SIGLEC14: variants seen among roughly 807,000 people sequenced by gnomAD.
The protein encoded by SIGLEC14 is sialic acid binding Ig like lectin 14, also known as sialic acid-binding Ig-like lectin 14.
SIGLEC14 carries 11 observed loss-of-function variants against 34.2 expected under a neutral mutation model. The ratio of observed to expected loss-of-function variants is 0.32; its 90% confidence interval spans 0.20 to 0.53. The LOEUF (loss-of-function observed/expected upper bound fraction) is 0.53, where lower values mean the gene tolerates loss of function less well. SIGLEC14 is among the 20% of genes least tolerant of loss of function. SIGLEC14 has a pLI of 0.95. For synonymous variants in SIGLEC14, 99 were observed against 179.7 expected (o/e 0.55, Z 3.59); for missense variants, 264 against 439.0 (o/e 0.60, Z 3.56).
Position 51,645,856 on chromosome 19 carries a change from G to A in SIGLEC14, c.626C>T (p.Thr209Ile), listed in dbSNP as rs1270949897. Reference protein sequence around the residue: ...TLTPRPEDHGTNLTCQVKRQG... With the variant: ...TLTPRPEDHGINLTCQVKRQG... ...GCGTTTCACCTGACAGGTGAGGTTG[G>A]TGCCATGGTCCTCGGGCCTGGGGGT... The change falls in exon 3 of 7, where the codon ACC becomes ATC. Residue 209 changes from threonine to isoleucine, a missense_variant. Around this residue, in one of 5 missense-constraint regions of SIGLEC14, gnomAD observed 45 missense variants for 96.7 expected, o/e 0.47. Transcript: ENST00000360844. 2.0e-6 allele frequency: 3 copies of A among 1,528,742 alleles called. 1 individual carries two copies. In the Admixed American group the frequency reaches 5.2e-5, roughly 27 times the overall value. 94.7% of individuals were successfully genotyped at this position (1,528,742 alleles called of 1,614,324 possible).
rs906910086 is a variant in SIGLEC14, at chr19:51,640,457, A to C, written c.*2898T>G. ...TAGGAACACTGAAACAACAGGTAAC[A>C]ATTCTGGAAAGGGAAGAGCTAGGGA... On this transcript the variant is annotated 3_prime_UTR_variant, in exon 7 of 7. Coordinates refer to ENST00000360844, the MANE Select transcript of SIGLEC14 (RefSeq NM_001098612.3). Among the ~76,000 whole-genome samples, 7 of 139,148 alleles carry C rather than the reference A, an allele frequency of 5.0e-5. 1 individual carries two copies. The highest frequency in any genetic ancestry group is 1.9e-4 in the African/African-American group (7 of 36,720). 91.3% of individuals were successfully genotyped at this position (139,148 alleles called of 152,430 possible).
rs751395647 is a variant in SIGLEC14, at chr19:51,643,948, A to AG, written c.842dup (p.Ala282CysfsTer27). ...CCTCCCGGAACCAGCTCAGTGAGGC[A>AG]GGGGGGTTGCTGTCAACTGTGCAGG... On this transcript the variant is annotated frameshift_variant, in exon 5 of 7. Transcript: ENST00000360844. LOFTEE classifies it high-confidence loss of function. 3.1e-5 allele frequency: 48 copies of AG among 1,533,860 alleles called. No homozygotes were observed. In the Middle Eastern group the frequency reaches 8.5e-4, roughly 27 times the overall value.
chr19:51,646,213 G>A, intron 2 of SIGLEC14, 44 bp downstream of exon 2: 2 of 1,422,260 alleles, frequency 1.4e-6, no homozygotes, highest in South Asian at 1.4e-5. Flanking sequence ...TCTCATACGG[G>A]GGTCTCCACG....
chr19:51,643,479 G>GGGGGGGGGGGGGGCC, intron 6 of SIGLEC14, 58 bp downstream of exon 6: 1 of 1,296,398 alleles, frequency 7.7e-7, no homozygotes, highest in Non-Finnish European at 1.0e-6. Context: ...CCTGGGGCAG[G>GGGGGGGGGGGGGGCC]ACAGCTCAGC....
chr19:51,642,295 G>A lies in SIGLEC14; in HGVS notation c.*1060C>T, dbSNP rs780822390. Among the ~76,000 whole-genome samples the A allele has an allele frequency of 1.1e-3, 159 of 139,036 alleles. 26 individuals carry two copies. The highest frequency in any genetic ancestry group is 1.7e-3 in the Non-Finnish European group (111 of 64,960). 91.2% of individuals were successfully genotyped at this position (139,036 alleles called of 152,430 possible). ...ACGTGTAACAACGTGGATAAACTGG[G>A]AAAACCACACTGAAGAAATGAAAGC... On this transcript the variant is annotated 3_prime_UTR_variant, in exon 7 of 7. Coordinates refer to ENST00000360844, the MANE Select transcript of SIGLEC14 (RefSeq NM_001098612.3).
At chr19:51,644,546 A>G (rs1868951) in intron 4 of SIGLEC14, among the ~76,000 whole-genome samples, 58,796 of 135,888 alleles carry the variant, frequency 0.43, 18,248 homozygotes, top group African/African-American at 0.61. Context: ...GAAGTGGGAT[A>G]GGAGGCAGGG....
Position 51,642,234 on chromosome 19 carries a change from A to G in SIGLEC14, c.*1121T>C, listed in dbSNP as rs1983921534. On this transcript the variant is annotated 3_prime_UTR_variant, in exon 7 of 7. Transcript: ENST00000360844. ...GCTGACTGTACGATATTAAAAGCAA[A>G]AAAAACCCCACCAAAACTGAGAATG... Among the ~76,000 whole-genome samples, 1 of 139,464 alleles carries G rather than the reference A, an allele frequency of 7.2e-6. No homozygotes were observed. Among genetic ancestry groups the G allele is most frequent in the South Asian group, 2.4e-4 (1 of 4,152 alleles). 91.5% of individuals were successfully genotyped at this position (139,464 alleles called of 152,430 possible).
intron 6 of SIGLEC14, 67 bp from the exon 7 acceptor site, chr19:51,643,464 GCTGTCC>G: frequency 3.0e-6 from 4 of 1,335,812 alleles, no homozygotes; most frequent in Non-Finnish European, 2.9e-6. Flanking sequence ...GTGGGGCTGA[GCTGTCC>G]TGGGGCAGGA....
At position 51,640,996 on chromosome 19, in the gene SIGLEC14, T is replaced by C. The variant is rs967185736; in HGVS notation, c.*2359A>G. On this transcript the variant is annotated 3_prime_UTR_variant, in exon 7 of 7. Coordinates refer to ENST00000360844, the MANE Select transcript of SIGLEC14 (RefSeq NM_001098612.3). ...GTCTCAAAAAAAAATTTTTTTTAAGTTGATTCTTTAAGAAGACATGAGAAT... is the reference window on the plus strand; with the variant it reads ...GTCTCAAAAAAAAATTTTTTTTAAGCTGATTCTTTAAGAAGACATGAGAAT... Among the ~76,000 whole-genome samples the C allele has an allele frequency of 1.2e-4, 16 of 138,984 alleles. 7 individuals are homozygous for C. In the East Asian group the frequency reaches 5.3e-3, roughly 46 times the overall value. The allele number at this position is 138,984 out of a possible 152,430, so 91.2% of individuals were successfully genotyped here. A position where few individuals can be genotyped will look rare whatever the true frequency, so the allele number is the denominator to read the frequency against.
rs1332155017 is a variant in SIGLEC14 at position 51,644,421 on chromosome 19, T to C, written c.755-385A>G. On this transcript the variant is annotated intron_variant, in intron 4 of 6. Transcript: ENST00000360844. ...ATCTTTTGGAGCATTGGGTGCCAGA[T>C]TGAGGGCCTTGGGCTTTATCCTGGA... Among the ~76,000 whole-genome samples, 3 of 136,626 alleles carry C rather than the reference T, an allele frequency of 2.2e-5. 1 individual carries two copies. The East Asian group carries it at 1.0e-3, about 48-fold the overall frequency. 89.6% of individuals were successfully genotyped at this position (136,626 alleles called of 152,430 possible).
rs1241548431 is a variant in SIGLEC14, at chr19:51,645,523, T to C, written c.708A>G (p.Pro236=). ...RTVQLNVSYA[P]QNLAISIFFR... Reference sequence around the variant, plus strand: ...AGAAGATGCTGATGGCGAGGTTCTGTGGAGCATCTGGGATAGAAAGATACA... The same window carrying C: ...AGAAGATGCTGATGGCGAGGTTCTGCGGAGCATCTGGGATAGAAAGATACA... The change falls in exon 4 of 7, where the codon CCA becomes CCG. Residue 236 remains proline, a synonymous_variant. Coordinates refer to ENST00000360844, the MANE Select transcript of SIGLEC14 (RefSeq NM_001098612.3). The C allele has an allele frequency of 1.3e-6, 2 of 1,531,922 alleles. 1 individual carries two copies. Among genetic ancestry groups the C allele is most frequent in the African/African-American group, 3.0e-5 (2 of 67,022 alleles). The allele number at this position is 1,531,922 out of a possible 1,614,324, so 94.9% of individuals were successfully genotyped here. A position where few individuals can be genotyped will look rare whatever the true frequency, so the allele number is the denominator to read the frequency against.
chr19:51,645,577 T>C lies in SIGLEC14; in HGVS notation c.701-47A>G, dbSNP rs917803620. On this transcript the variant is annotated intron_variant, in intron 3 of 6. Coordinates refer to ENST00000360844, the MANE Select transcript of SIGLEC14 (RefSeq NM_001098612.3). ...CCAGCTTCAGAGGTGACAAGAGGGA[T>C]GGGCGTGGTCCCGGGAGGGACCCAA... 24 of 1,509,342 alleles carry C rather than the reference T, an allele frequency of 1.6e-5. 6 individuals are homozygous for C. The highest frequency in any genetic ancestry group is 2.1e-5 in the Non-Finnish European group (23 of 1,120,324). 93.5% of individuals were successfully genotyped at this position (1,509,342 alleles called of 1,614,324 possible). A position where few individuals can be genotyped will look rare whatever the true frequency, so the allele number is the denominator to read the frequency against.
rs1034503976 is a variant in SIGLEC14 at position 51,640,133 on chromosome 19, A to G, written c.*3222T>C. ...ACGAAAGAGAAGGAGTCGTGCTTTT[A>G]TTATGAAGGAGTAAGCTCCTAGCAG... On this transcript the variant is annotated 3_prime_UTR_variant, in exon 7 of 7. Transcript: ENST00000360844. 2.1e-5 allele frequency among the ~76,000 whole-genome samples: 3 copies of G among 139,558 alleles called. No homozygotes were observed. Among genetic ancestry groups the G allele is most frequent in the Admixed American group, 6.9e-5 (1 of 14,442 alleles). The allele number at this position is 139,558 out of a possible 152,430, so 91.6% of individuals were successfully genotyped here. A position where few individuals can be genotyped will look rare whatever the true frequency, so the allele number is the denominator to read the frequency against.
chr19:51,639,777 C>T lies in SIGLEC14; in HGVS notation c.*3578G>A, dbSNP rs959112058. On this transcript the variant is annotated 3_prime_UTR_variant, in exon 7 of 7. Coordinates refer to ENST00000360844, the MANE Select transcript of SIGLEC14 (RefSeq NM_001098612.3). Reference sequence around the variant, plus strand: ...TCAACATATAAATTTTGGGAAGACACACATTTCTATTATAGCATAAATAAA... The same window carrying T: ...TCAACATATAAATTTTGGGAAGACATACATTTCTATTATAGCATAAATAAA... The T allele has an allele frequency of 9.3e-5, 13 of 139,148 alleles. 2 individuals carry two copies. The South Asian group carries it at 3.2e-3, about 34-fold the overall frequency. The allele number at this position is 139,148 out of a possible 1,614,324, so 8.6% of individuals were successfully genotyped here.
chr19:51,640,692 C>G lies in SIGLEC14; in HGVS notation c.*2663G>C, dbSNP rs1983886933. ...GTTACATAATGTAAAACAGTTGATTCAGCCAACTGCGGTGGCTCACGCCTA... is the reference window on the plus strand; with the variant it reads ...GTTACATAATGTAAAACAGTTGATTGAGCCAACTGCGGTGGCTCACGCCTA... On this transcript the variant is annotated 3_prime_UTR_variant, in exon 7 of 7. Coordinates refer to ENST00000360844, the MANE Select transcript of SIGLEC14 (RefSeq NM_001098612.3). Among the ~76,000 whole-genome samples, 1 of 139,712 alleles carries G rather than the reference C, an allele frequency of 7.2e-6. No homozygotes were observed. Among genetic ancestry groups the G allele is most frequent in the African/African-American group, 2.7e-5 (1 of 36,882 alleles). The allele number at this position is 139,712 out of a possible 152,430, so 91.7% of individuals were successfully genotyped here.
rs1983873021 is a variant in SIGLEC14 at position 51,639,913 on chromosome 19, C to A, written c.*3442G>T. On this transcript the variant is annotated 3_prime_UTR_variant, in exon 7 of 7. Transcript: ENST00000360844. ...ACCTGAAGTTTATAAAAGTTAAATTCATGAAAAAGAATGAAGAAATTATAA... is the reference window on the plus strand; with the variant it reads ...ACCTGAAGTTTATAAAAGTTAAATTAATGAAAAAGAATGAAGAAATTATAA... 1 of 138,870 alleles carries A rather than the reference C, an allele frequency of 7.2e-6. No homozygotes were observed. Among genetic ancestry groups the A allele is most frequent in the Non-Finnish European group, 1.5e-5 (1 of 64,944 alleles). The allele number at this position is 138,870 out of a possible 1,614,324, so 8.6% of individuals were successfully genotyped here.
At chr19:51,644,264 G>C (rs1036435609) in intron 4 of SIGLEC14, among the ~76,000 whole-genome samples, 1 of 138,002 alleles carries the variant, frequency 7.2e-6, no homozygotes, top group Non-Finnish European at 1.5e-5. Flanking sequence ...AGGAGAAGTG[G>C]ATGGGCAGCT....
intron 4 of SIGLEC14, 82 bp downstream of exon 4, chr19:51,645,395 G>A: frequency 1.6e-6 from 2 of 1,279,772 alleles, no homozygotes; most frequent in South Asian, 1.3e-5. Context: ...AGGGGTGAGG[G>A]AGGGTCTCCT....
Position 51,645,657 on chromosome 19 carries a change from C to T in SIGLEC14, c.700+125G>A, listed in dbSNP as rs531564503. 6.2e-6 allele frequency: 9 copies of T among 1,451,114 alleles called. 1 individual carries two copies. The highest frequency in any genetic ancestry group is 3.8e-5 in the South Asian group (3 of 78,636). The allele number at this position is 1,451,114 out of a possible 1,614,324, so 89.9% of individuals were successfully genotyped here. ...GACCGCTGTCCTTCCTGCCCACACA[C>T]GAGTTTTCCCTGGTTATCATTCTCT... On this transcript the variant is annotated intron_variant, in intron 3 of 6. Coordinates refer to ENST00000360844, the MANE Select transcript of SIGLEC14 (RefSeq NM_001098612.3).
Sources: gnomAD v4.1 joint callset for allele counts (sites outside exome capture counted in the v4.1 genomes callset) on GRCh38, gnomAD v4.1.1 for gene constraint, gnomAD v4.1.1 regional missense constraint, MANE v1.5 for transcripts, NCBI Gene and HGNC (gene_info 2026-07-23, HGNC 2026-07-21) for gene names.